The following VGLL4 variants were observed in gnomAD, a reference collection of about 807,000 sequenced individuals.
VGLL4 encodes transcription cofactor vestigial-like protein 4.
A neutral mutation model predicts 21.0 loss-of-function variants in VGLL4; 7 were observed. The observed-to-expected ratio is 0.33, with a 90% CI of 0.19 to 0.63. VGLL4 has a LOEUF of 0.63. VGLL4 is among the 20% of genes least tolerant of loss of function. The pLI, the probability that VGLL4 is intolerant of heterozygous loss-of-function variation, is 0.78. For synonymous variants in VGLL4, 222 were observed against 173.2 expected (o/e 1.28, Z -2.21); for missense variants, 394 against 425.7 (o/e 0.93, Z 0.66).
intron 1 of VGLL4, among the ~76,000 whole-genome samples, chr3:11,603,494 T>C (rs1426502630): frequency 6.6e-6 from 1 of 152,194 alleles, no homozygotes; most frequent in Non-Finnish European, 1.5e-5. Flanking sequence ...CTTCATAAAT[T>C]AGAAAAATAT....
At chr3:11,586,255 T>A (rs1002295751) in intron 2 of VGLL4, among the ~76,000 whole-genome samples, 3 of 152,216 alleles carry the variant, frequency 2.0e-5, no homozygotes, top group African/African-American at 7.2e-5. Context: ...AACCGATGAA[T>A]GCAGGGAAGG....
At chr3:11,574,672 G>A (rs929384148) in intron 2 of VGLL4, among the ~76,000 whole-genome samples, 1 of 152,178 alleles carries the variant, frequency 6.6e-6, no homozygotes, top group African/African-American at 2.4e-5. Flanking sequence ...ACAAAGAAAC[G>A]ATTAATGTTT....
intron 2 of VGLL4, among the ~76,000 whole-genome samples, chr3:11,659,147 A>C (rs1439890813): frequency 2.6e-5 from 4 of 152,102 alleles, no homozygotes; most frequent in African/African-American, 9.7e-5. Flanking sequence ...GTTAACGAAG[A>C]TCTCACTCCA....
chr3:11,625,682 C>G (rs57332385), intron 1 of VGLL4, among the ~76,000 whole-genome samples: 3,758 of 151,916 alleles, frequency 0.025, 151 homozygotes, highest in African/African-American at 0.084. Context: ...TCAACCCAAC[C>G]TTTATCCAGG....
intron 3 of VGLL4, among the ~76,000 whole-genome samples, chr3:11,563,349 T>C (rs1054317726): frequency 3.3e-5 from 5 of 152,240 alleles, no homozygotes; most frequent in Non-Finnish European, 5.9e-5. Context: ...AGCATTACAA[T>C]GCCTGTTGAG....
intron 1 of VGLL4, among the ~76,000 whole-genome samples, chr3:11,704,677 G>A (rs1049162818): frequency 3.3e-5 from 5 of 152,190 alleles, no homozygotes; most frequent in African/African-American, 1.2e-4. Context: ...GAAGCCTGGA[G>A]TAAACCAAGC....
intron 1 of VGLL4, chr3:11,710,555 CA>C (rs1383319491): frequency 1.3e-5 from 2 of 152,150 alleles, no homozygotes; most frequent in Non-Finnish European, 2.9e-5. Context: ...GTAACAGGGC[CA>C]AAAGTCAGAA....
At chr3:11,578,567 G>A (rs190521067) in intron 2 of VGLL4, among the ~76,000 whole-genome samples, 7 of 148,092 alleles carry the variant, frequency 4.7e-5, no homozygotes, top group South Asian at 2.1e-4. Context: ...TAAAGTTACC[G>A]ATCTACCCTG....
At chr3:11,638,201 T>A (rs1008817711) in intron 1 of VGLL4, among the ~76,000 whole-genome samples, 3 of 152,102 alleles carry the variant, frequency 2.0e-5, no homozygotes, top group African/African-American at 7.2e-5. Flanking sequence ...CCGCATGTTT[T>A]AAAAAATCTT....
intron 2 of VGLL4, among the ~76,000 whole-genome samples, chr3:11,677,878 C>T (rs1338972999): frequency 1.4e-5 from 2 of 142,316 alleles, no homozygotes; most frequent in East Asian, 4.1e-4. Flanking sequence ...GTACTCCATC[C>T]AGCCTGGCGA....
intron 2 of VGLL4, among the ~76,000 whole-genome samples, chr3:11,578,000 A>G (rs2074104137): frequency 6.6e-6 from 1 of 152,122 alleles, no homozygotes; most frequent in Non-Finnish European, 1.5e-5. Context: ...AGAGGGTCAC[A>G]CTCCAGAAGC....
chr3:11,566,787 C>T (rs895769744), intron 2 of VGLL4, among the ~76,000 whole-genome samples: 10 of 152,166 alleles, frequency 6.6e-5, no homozygotes, highest in African/African-American at 1.9e-4. Context: ...ATGATCTCTT[C>T]GTCTACGCAC....
chr3:11,614,700 G>A (rs1359833881), intron 1 of VGLL4, among the ~76,000 whole-genome samples: 1 of 152,092 alleles, frequency 6.6e-6, no homozygotes, highest in Admixed American at 6.5e-5. Flanking sequence ...ATTTTCCAAG[G>A]ATTAAAATAG....
intron 2 of VGLL4, among the ~76,000 whole-genome samples, chr3:11,573,257 A>AAG (rs1256944862): frequency 1.1e-4 from 1 of 9,174 alleles, no homozygotes; most frequent in African/African-American, 9.9e-4. Flanking sequence ...GAAAGAAAGA[A>AAG]AGAAAGAAAG....
At chr3:11,702,881 C>T (rs975179857) in intron 2 of VGLL4, 39 of 1,239,758 alleles carry the variant, frequency 3.1e-5, no homozygotes, top group Non-Finnish European at 4.2e-5. Context: ...GCCAGAAAAC[C>T]ATGTAGAGAA....
At chr3:11,575,123 G>A (rs1204830781) in intron 2 of VGLL4, among the ~76,000 whole-genome samples, 1 of 152,104 alleles carries the variant, frequency 6.6e-6, no homozygotes, top group Non-Finnish European at 1.5e-5. Context: ...GATCTGCCTG[G>A]GGCCATGTGG....
chr3:11,686,085 T>A (rs796620177), intron 2 of VGLL4, among the ~76,000 whole-genome samples: 6 of 152,270 alleles, frequency 3.9e-5, no homozygotes, highest in African/African-American at 1.4e-4. Flanking sequence ...TGTATGGGAA[T>A]GTAAAATGGT....
chr3:11,714,569 C>CA (rs11363717), intron 1 of VGLL4, among the ~76,000 whole-genome samples: 149 of 137,658 alleles, frequency 1.1e-3, no homozygotes, highest in South Asian at 2.8e-3. Flanking sequence ...AATAAAAATA[C>CA]AAAAAAAAAA....
intron 1 of VGLL4, among the ~76,000 whole-genome samples, chr3:11,642,011 G>A (rs61356140): frequency 2.1e-3 from 310 of 149,916 alleles, no homozygotes; most frequent in African/African-American, 7.2e-3. Flanking sequence ...GTTGGGGGAA[G>A]CGGGGATGGT....
Sources: gnomAD v4.1 joint callset for allele counts (sites outside exome capture counted in the v4.1 genomes callset) on GRCh38, gnomAD v4.1.1 for gene constraint, MANE v1.5 for transcripts, NCBI Gene and HGNC (gene_info 2026-07-23, HGNC 2026-07-21) for gene names.